Variants in GALNT14 observed in about 807,000 individuals in gnomAD.
GALNT14 encodes polypeptide N-acetylgalactosaminyltransferase 14.
In GALNT14, 60 loss-of-function variants were observed where a neutral mutation model predicts 77.5. The ratio of observed to expected loss-of-function variants is 0.77; its 90% CI spans 0.63 to 0.96. GALNT14 has a LOEUF of 0.96. Ranked by LOEUF, GALNT14 falls within the 40% of genes least tolerant of loss-of-function variation. GALNT14 has a pLI of 0.00. For synonymous variants in GALNT14, 280 were observed against 281.7 expected (o/e 0.99, Z 0.06); for missense variants, 710 against 731.0 (o/e 0.97, Z 0.33).
intron 7 of GALNT14, among the ~76,000 whole-genome samples, chr2:30,945,240 T>G (rs1666618948): frequency 6.6e-6 from 1 of 152,180 alleles, no homozygotes; most frequent in Non-Finnish European, 1.5e-5. Flanking sequence ...GATGACAGGA[T>G]GGACAGTCAT....
At chr2:31,005,033 A>G (rs1558484723) in intron 1 of GALNT14, among the ~76,000 whole-genome samples, 1 of 152,192 alleles carries the variant, frequency 6.6e-6, no homozygotes, top group East Asian at 1.9e-4. Context: ...TGGGCAAAAC[A>G]AAACATGCCC....
At chr2:30,951,449 G>A (rs1432270582) in intron 6 of GALNT14, among the ~76,000 whole-genome samples, 1 of 152,152 alleles carries the variant, frequency 6.6e-6, no homozygotes, top group Non-Finnish European at 1.5e-5. Flanking sequence ...AGAATGAGGA[G>A]TGAGTGATTG....
At chr2:31,067,743 C>T (rs1558542513) in intron 1 of GALNT14, among the ~76,000 whole-genome samples, 1 of 152,226 alleles carries the variant, frequency 6.6e-6, no homozygotes, top group Admixed American at 6.5e-5. Flanking sequence ...CCACTATCAG[C>T]TCACTTAATT....
At chr2:31,052,511 G>C (rs1383502778) in intron 1 of GALNT14, among the ~76,000 whole-genome samples, 1 of 152,172 alleles carries the variant, frequency 6.6e-6, no homozygotes, top group African/African-American at 2.4e-5. Flanking sequence ...ACGGAAGCCT[G>C]GCCTCCTGCG....
At chr2:30,902,182 C>T in the GALNT14 span, among the ~76,000 whole-genome samples, 1 of 152,166 alleles carries the variant, frequency 6.6e-6, no homozygotes, top group Non-Finnish European at 1.5e-5. Flanking sequence ...ACTATCCCAT[C>T]CAGTGATTGT....
chr2:30,972,765 C>T (rs1288828734), intron 2 of GALNT14, among the ~76,000 whole-genome samples: 1 of 152,200 alleles, frequency 6.6e-6, no homozygotes, highest in Non-Finnish European at 1.5e-5. Flanking sequence ...GCGGTTTCTA[C>T]TGAGCTCTGG....
intron 1 of GALNT14, among the ~76,000 whole-genome samples, chr2:31,069,781 T>A (rs1481051795): frequency 6.6e-6 from 1 of 152,184 alleles, no homozygotes; most frequent in Non-Finnish European, 1.5e-5. Context: ...GAGATGGATT[T>A]CCTTTTAAAT....
intron 4 of GALNT14, among the ~76,000 whole-genome samples, chr2:30,957,037 C>T (rs528118226): frequency 6.6e-6 from 1 of 152,272 alleles, no homozygotes; most frequent in East Asian, 1.9e-4. Context: ...CCCTGGCTTG[C>T]CTGCTGCTCC....
chr2:31,104,105 C>G (rs1395615666), intron 1 of GALNT14, among the ~76,000 whole-genome samples: 2 of 152,090 alleles, frequency 1.3e-5, no homozygotes, highest in African/African-American at 4.8e-5. Flanking sequence ...AAACTGTGGC[C>G]AACCTGGTAT....
intron 6 of GALNT14, among the ~76,000 whole-genome samples, chr2:30,948,013 T>A (rs1390489406): frequency 1.3e-5 from 2 of 152,216 alleles, no homozygotes; most frequent in African/African-American, 4.8e-5. Flanking sequence ...TGGGCCACTG[T>A]CATTGTGTGT....
At chr2:30,942,651 C>T (rs569685134) in intron 8 of GALNT14, among the ~76,000 whole-genome samples, 1 of 152,288 alleles carries the variant, frequency 6.6e-6, no homozygotes, top group African/African-American at 2.4e-5. Flanking sequence ...CAAGCCTCTT[C>T]CACAGGCTCT....
intron 1 of GALNT14, among the ~76,000 whole-genome samples, chr2:31,096,276 C>A (rs1677000038): frequency 6.6e-6 from 1 of 152,166 alleles, no homozygotes; most frequent in African/African-American, 2.4e-5. Flanking sequence ...TGTCATGTAA[C>A]CTACCATATT....
chr2:30,932,135 C>T lies in GALNT14; in HGVS notation c.991G>A (p.Val331Met), dbSNP rs1361904842. Residue 331 changes from valine to methionine, a missense_variant, in exon 10 of 15, where the codon GTG (valine) becomes ATG (methionine). Coordinates refer to ENST00000349752, the MANE Select transcript of GALNT14 (RefSeq NM_024572.4). ...GSLEIVPCSR[V>M]GHVFRKKHPY... ...TGCTTCTTCCGGAAGACGTGCCCCA[C>T]TCGGCTGCAGGGGACGATCTCTAGG... is the stretch of plus-strand genomic sequence containing the variant. 6.4e-7 allele frequency: 1 copy of T among 1,573,150 alleles called. No homozygotes were observed. Among genetic ancestry groups the T allele is most frequent in the East Asian group, 2.4e-5 (1 of 41,272 alleles).
chr2:30,909,077 T>G (rs1664229493), downstream of GALNT14, among the ~76,000 whole-genome samples: 2 of 152,026 alleles, frequency 1.3e-5, no homozygotes, highest in Non-Finnish European at 2.9e-5. Flanking sequence ...ATTAAAGACT[T>G]AAATGTTAGA....
intron 1 of GALNT14, among the ~76,000 whole-genome samples, chr2:31,071,266 A>T (rs531654399): frequency 6.6e-6 from 1 of 152,312 alleles, no homozygotes; most frequent in African/African-American, 2.4e-5. Flanking sequence ...ATTTTTTTTA[A>T]AAGAGAAAGT....
intron 1 of GALNT14, among the ~76,000 whole-genome samples, chr2:31,090,993 C>T (rs950491645): frequency 3.3e-5 from 5 of 152,098 alleles, no homozygotes; most frequent in Non-Finnish European, 5.9e-5. Context: ...TTAAACCGAC[C>T]CTCTGATGTG....
intron 1 of GALNT14, among the ~76,000 whole-genome samples, chr2:31,113,321 T>G (rs376508185): frequency 1.6e-4 from 24 of 151,824 alleles, no homozygotes; most frequent in African/African-American, 5.3e-4. Context: ...CCGGGCTGGG[T>G]GGAGAAGGTC....
Position 30,955,756 on chromosome 2 carries a change from A to G in GALNT14, c.533-17T>C. On this transcript the variant is annotated splice_polypyrimidine_tract_variant and intron_variant, in intron 5 of 14. Coordinates refer to ENST00000349752, the MANE Select transcript of GALNT14 (RefSeq NM_024572.4). ...GGACCAGACCTGCAGTCAGGAACAA[A>G]TGACGAAGTGGGTGCCACTGTCACT... 1.2e-6 allele frequency: 2 copies of G among 1,613,744 alleles called. No individual in the cohort carries two copies. Among genetic ancestry groups the G allele is most frequent in the South Asian group, 2.2e-5 (2 of 91,046 alleles).
At chr2:30,907,400 T>C (rs1664173448), downstream of GALNT14, among the ~76,000 whole-genome samples, 2 of 152,118 alleles carry the variant, frequency 1.3e-5, no homozygotes. Context: ...CCCACAGAAA[T>C]ACAAACTACC....
Sources: gnomAD v4.1 joint callset for allele counts (sites outside exome capture counted in the v4.1 genomes callset) on GRCh38, gnomAD v4.1.1 for gene constraint, MANE v1.5 for transcripts, NCBI Gene and HGNC (gene_info 2026-07-23, HGNC 2026-07-21) for gene names.